Variants in UBASH3A observed in about 807,000 individuals in gnomAD.
UBASH3A encodes ubiquitin-associated and SH3 domain-containing protein A.
A neutral mutation model predicts 73.5 loss-of-function variants in UBASH3A; 63 were observed. That is an observed-to-expected ratio of 0.86 (90% CI 0.70 to 1.06). The LOEUF is 1.06. UBASH3A is among the 50% of genes least tolerant of loss of function. UBASH3A has a pLI of 0.00. For missense variants in UBASH3A, 860 were observed against 859.0 expected, an observed-to-expected ratio of 1.00 and a Z score of -0.02; for synonymous variants, 363 against 351.1, an observed-to-expected ratio of 1.03 and a Z score of -0.38.
At chr21:42,410,214 C>T (rs1259786800) in intron 3 of UBASH3A, 2 of 699,526 alleles carry the variant, frequency 2.9e-6, no homozygotes, top group Non-Finnish European at 5.2e-6. Flanking sequence ...ACCGGGAAGA[C>T]AAGAAGAATG....
chr21:42,430,025 C>T (rs904189519), intron 8 of UBASH3A, among the ~76,000 whole-genome samples: 16 of 152,100 alleles, frequency 1.1e-4, no homozygotes, highest in African/African-American at 3.4e-4. Flanking sequence ...TCCGGGCCAG[C>T]GTGGACTTCA....
chr21:42,415,027 C>T (rs567594802), intron 5 of UBASH3A, among the ~76,000 whole-genome samples: 7 of 152,276 alleles, frequency 4.6e-5, no homozygotes, highest in African/African-American at 7.2e-5. Flanking sequence ...AGCCTGACAC[C>T]GAGGGGGTGG....
chr21:42,445,388 C>T (rs969119014), intron 14 of UBASH3A, among the ~76,000 whole-genome samples: 1 of 152,250 alleles, frequency 6.6e-6, no homozygotes, highest in Non-Finnish European at 1.5e-5. Context: ...TGCCTGTCAT[C>T]GGAGGTGCTT....
chr21:42,417,870 C>CTTTTTTTTTT (rs1296936051), intron 6 of UBASH3A, among the ~76,000 whole-genome samples: 7 of 119,528 alleles, frequency 5.9e-5, no homozygotes, highest in African/African-American at 2.2e-4. Context: ...TTTTTTTTTT[C>CTTTTTTTTTT]TTTTTTTCTT....
intron 2 of UBASH3A, 72 bp downstream of exon 2, chr21:42,406,433 C>T: frequency 7.5e-7 from 1 of 1,325,374 alleles, no homozygotes; most frequent in Non-Finnish European, 1.1e-6. Context: ...CTCCCTCCCA[C>T]CAGGGCTGAT....
intron 7 of UBASH3A, among the ~76,000 whole-genome samples, chr21:42,423,327 A>C (rs1163781438): frequency 2.0e-5 from 3 of 152,254 alleles, no homozygotes; most frequent in African/African-American, 4.8e-5. Context: ...GGGTGCCACA[A>C]GGGATTGTAG....
chr21:42,443,365 T>G lies in UBASH3A; in HGVS notation c.1685T>G (p.Met562Arg), dbSNP rs148730063. Residue 562 changes from methionine to arginine, a missense_variant, in exon 13 of 15, where the codon ATG becomes AGG. Transcript: ENST00000319294. ...CCGGCCGAGAGCTACCAGGAGTACA[T>G]GGACAGGTGCACGGCGAGCATGGTG... The part of the protein sequence containing the change: ...LMPAESYQEY[M>R]DRCTASMVQI... 6.9e-4 allele frequency: 1,108 copies of G among 1,613,424 alleles called. 1 individual carries two copies. Among genetic ancestry groups the G allele is most frequent in the Admixed American group, 8.3e-4 (50 of 59,966 alleles).
chr21:42,437,403 C>T, intron 10 of UBASH3A, 85 bp from the exon 11 acceptor site: 1 of 1,283,108 alleles, frequency 7.8e-7, no homozygotes, highest in Non-Finnish European at 1.1e-6. Flanking sequence ...GAGGACCCTG[C>T]CTACCACAGG....
At chr21:42,409,382 G>GT (rs960152296) in intron 2 of UBASH3A, 40 bp from the exon 3 acceptor site, 5 of 1,507,206 alleles carry the variant, frequency 3.3e-6, no homozygotes, top group Non-Finnish European at 4.4e-6. Context: ...AACTCTTTTT[G>GT]TTGTGACAGT....
Position 42,413,544 on chromosome 21 carries a change from C to G in UBASH3A, c.667+21C>G, listed in dbSNP as rs372633320. ...AAAATGTAAGCCATTAGAAAGCTTC[C>G]GGACCAGCTTTGGTCTTCTCTTTAG... is the stretch of plus-strand genomic sequence containing the variant. On this transcript the variant is annotated intron_variant, in intron 5 of 14. Coordinates refer to ENST00000319294, the MANE Select transcript of UBASH3A (RefSeq NM_018961.4). This position sits in a 1 kb window ranked among gnomAD's most constrained non-coding sequence, Gnocchi z 4.5. The G allele has an allele frequency of 1.3e-6, 2 of 1,559,324 alleles. No individual in the cohort carries two copies. The highest frequency in any genetic ancestry group is 2.7e-5 in the African/African-American group (2 of 73,656).
chr21:42,429,710 C>T (rs1217017246), intron 8 of UBASH3A, among the ~76,000 whole-genome samples: 1 of 152,154 alleles, frequency 6.6e-6, no homozygotes, highest in East Asian at 1.9e-4. Context: ...CCACACTTCA[C>T]ATGCAAGAGA....
chr21:42,418,378 A>C, intron 6 of UBASH3A, 23 bp from the exon 7 acceptor site: 372 of 1,597,572 alleles, frequency 2.3e-4, no homozygotes, highest in Non-Finnish European at 2.9e-4. Flanking sequence ...TCGAGACGTG[A>C]AACCCCTTTG....
In UBASH3A at chr21:42,444,632, C is replaced by G. The variant is rs772339380; in HGVS notation, c.1837C>G (p.Leu613Val). 6.2e-7 allele frequency: 1 copy of G among 1,613,894 alleles called. No homozygotes were observed. The highest frequency in any genetic ancestry group is 8.5e-7 in the Non-Finnish European group (1 of 1,179,726). ...CCGGGAATGTGGGGATTTTGCCCAA[C>G]TCGTGAGAAAGGTACGCGCCCACTC... The part of the protein sequence containing the change: ...PPRECGDFAQ[L>V]VRKIPSLGMC... Residue 613 changes from leucine (L) to valine (V), a missense_variant, in exon 14 of 15, where the codon CTC (leucine) becomes GTC (valine). By Grantham distance (32) the Leu-to-Val change is conservative. Transcript: ENST00000319294.
At position 42,413,319 on chromosome 21, in the gene UBASH3A, T is replaced by G; in HGVS notation, c.554-91T>G. ...GCCCCCGGCACATGGATGCAGTGGG[T>G]GGGTTCCAGGGGAGCAGAGCCCAGC... On this transcript the variant is annotated intron_variant, in intron 4 of 14. Coordinates refer to ENST00000319294, the MANE Select transcript of UBASH3A (RefSeq NM_018961.4). The surrounding 1 kb of genome is among the most constrained non-coding windows in gnomAD (Gnocchi z 4.5). 2 of 1,541,288 alleles carry G rather than the reference T, an allele frequency of 1.3e-6. No homozygotes were observed. Among genetic ancestry groups the G allele is most frequent in the Non-Finnish European group, 1.8e-6 (2 of 1,120,412 alleles).
intron 7 of UBASH3A, among the ~76,000 whole-genome samples, chr21:42,421,590 G>T (rs926205704): frequency 6.6e-6 from 1 of 152,192 alleles, no homozygotes; most frequent in African/African-American, 2.4e-5. Flanking sequence ...CTGGACATTT[G>T]CTGTGGACTT....
intron 7 of UBASH3A, among the ~76,000 whole-genome samples, chr21:42,421,503 C>T (rs1196363373): frequency 6.6e-6 from 1 of 152,178 alleles, no homozygotes; most frequent in East Asian, 1.9e-4. Context: ...CCCTCACCAC[C>T]CTGACAAATA....
intron 14 of UBASH3A, among the ~76,000 whole-genome samples, chr21:42,445,187 C>T (rs2839517): frequency 0.49 from 74,424 of 152,108 alleles, 20,435 homozygotes; most frequent in Non-Finnish European, 0.63. Context: ...GATTATCACT[C>T]AGCAAAGCCA....
At chr21:42,414,512 T>C (rs1427286334) in intron 5 of UBASH3A, among the ~76,000 whole-genome samples, 1 of 152,004 alleles carries the variant, frequency 6.6e-6, no homozygotes, top group East Asian at 1.9e-4. Flanking sequence ...CTAAAAATGT[T>C]TGTCCACCAG....
At position 42,413,277 on chromosome 21, in the gene UBASH3A, C is replaced by A; in HGVS notation, c.553+55C>A. ...GGGCTGGATTCACAGTGAGTGAGCC[C>A]TCTGTGGCAGGGACTAGCCCCCGGC... On this transcript the variant is annotated intron_variant, in intron 4 of 14. Coordinates refer to ENST00000319294, the MANE Select transcript of UBASH3A (RefSeq NM_018961.4). This position sits in a 1 kb window ranked among gnomAD's most constrained non-coding sequence, Gnocchi z 4.5. 1 of 1,602,516 alleles carries A rather than the reference C, an allele frequency of 6.2e-7. No individual in the cohort carries two copies. Among genetic ancestry groups the A allele is most frequent in the Non-Finnish European group, 8.5e-7 (1 of 1,170,398 alleles).
Sources: gnomAD v4.1 joint callset for allele counts (sites outside exome capture counted in the v4.1 genomes callset) on GRCh38, gnomAD v4.1.1 for gene constraint, Gnocchi (gnomAD v3.1) non-coding constraint, MANE v1.5 for transcripts, NCBI Gene and HGNC (gene_info 2026-07-23, HGNC 2026-07-21) for gene names.